HGF: variants seen among roughly 807,000 people sequenced by gnomAD.
The protein encoded by HGF is fibroblast-derived tumor cytotoxic factor.
In HGF, 39 loss-of-function variants were observed where a neutral mutation model predicts 111.6. The observed-to-expected ratio is 0.35, with a 90% confidence interval of 0.27 to 0.46. The LOEUF is 0.46. HGF is among the 20% of genes least tolerant of loss of function. The pLI is 1.00. For missense variants in HGF, 735 were observed against 910.5 expected (o/e 0.81, Z 2.48); for synonymous variants, 285 against 294.8 (o/e 0.97, Z 0.34).
In HGF at chr7:81,700,080, C is replaced by T. The variant is rs1189884283; in HGVS notation, c.*2501G>A. ...ATTATAACAGTACATAACCATTATT[C>T]AAACAGCCAAACCAAAAATTGCATT... On this transcript the variant is annotated 3_prime_UTR_variant, in exon 18 of 18. Transcript: ENST00000222390. The T allele has an allele frequency of 6.6e-6, 1 of 151,718 alleles. No homozygotes were observed. The highest frequency in any genetic ancestry group is 1.5e-5 in the Non-Finnish European group (1 of 67,744). 9.4% of individuals were successfully genotyped at this position (151,718 alleles called of 1,614,324 possible). A position where few individuals can be genotyped will look rare whatever the true frequency, so the allele number is the denominator to read the frequency against.
Position 81,701,925 on chromosome 7 carries a change from T to C in HGF, c.*656A>G, listed in dbSNP as rs5745770. On this transcript the variant is annotated 3_prime_UTR_variant, in exon 18 of 18. Coordinates refer to ENST00000222390, the MANE Select transcript of HGF (RefSeq NM_000601.6). ...TCTACTGGTCTTTAGAGATTTCTGGTTTTTTTGAGGTAAAACTATAGGTAC... is the reference window on the plus strand; with the variant it reads ...TCTACTGGTCTTTAGAGATTTCTGGCTTTTTTGAGGTAAAACTATAGGTAC... The C allele has an allele frequency of 1.9e-5, 3 of 159,700 alleles. No individual in the cohort carries two copies. The highest frequency in any genetic ancestry group is 4.1e-5 in the Non-Finnish European group (3 of 72,522). 9.9% of individuals were successfully genotyped at this position (159,700 alleles called of 1,614,324 possible). A position where few individuals can be genotyped will look rare whatever the true frequency, so the allele number is the denominator to read the frequency against.
intron 1 of HGF, among the ~76,000 whole-genome samples, chr7:81,767,314 A>G (rs1042458664): frequency 6.6e-6 from 1 of 152,074 alleles, no homozygotes; most frequent in African/African-American, 2.4e-5. Flanking sequence ...AAAACACCAC[A>G]TAGTTCATTC....
At chr7:81,754,229 A>G (rs1473466190) in intron 4 of HGF, among the ~76,000 whole-genome samples, 2 of 152,136 alleles carry the variant, frequency 1.3e-5, no homozygotes, top group East Asian at 3.9e-4. Flanking sequence ...ACTTAGATGA[A>G]TAATACGAAC....
intron 10 of HGF, among the ~76,000 whole-genome samples, chr7:81,718,438 G>T (rs1789770229): frequency 1.3e-5 from 2 of 149,004 alleles, no homozygotes; most frequent in South Asian, 4.1e-4. Context: ...CACTAGAGCT[G>T]GGGTTTGAAC....
intron 7 of HGF, among the ~76,000 whole-genome samples, chr7:81,741,599 G>C (rs866348342): frequency 1.3e-5 from 2 of 151,636 alleles, no homozygotes; most frequent in Non-Finnish European, 2.9e-5. Context: ...GTGTGTGTGT[G>C]TGTGTGTGTG....
chr7:81,726,436 A>G (rs1208659403), intron 8 of HGF, among the ~76,000 whole-genome samples: 1 of 152,202 alleles, frequency 6.6e-6, no homozygotes, highest in Non-Finnish European at 1.5e-5. Context: ...AAGAAAGGTT[A>G]TTATCAATAG....
At chr7:81,708,826 C>A (rs954687237) in intron 13 of HGF, among the ~76,000 whole-genome samples, 1 of 152,018 alleles carries the variant, frequency 6.6e-6, no homozygotes, top group Non-Finnish European at 1.5e-5. Flanking sequence ...ACTGCACACT[C>A]AGCTTTAATA....
At chr7:81,730,606 G>T in intron 7 of HGF, among the ~76,000 whole-genome samples, 1 of 149,844 alleles carries the variant, frequency 6.7e-6, no homozygotes, top group Non-Finnish European at 1.5e-5. Flanking sequence ...CTTACTATAC[G>T]TCATGAAGAT....
At chr7:81,737,096 A>G (rs1583963416) in intron 7 of HGF, among the ~76,000 whole-genome samples, 2 of 152,074 alleles carry the variant, frequency 1.3e-5, no homozygotes, top group African/African-American at 4.8e-5. Context: ...AAAGGTATGT[A>G]GAAGATAAAA....
rs145494248 is a variant in HGF, at chr7:81,705,509, C to T, written c.1891G>A (p.Val631Met). Reference protein sequence around the residue: ...GLINYDGLLRVAHLYIMGNEK... With the variant: ...GLINYDGLLRMAHLYIMGNEK... The stretch of plus-strand genomic sequence containing the variant: ...TTTCCCATTATATAGAGATGTGCCA[C>T]TCGTAATAGGCCATCATAGTTGATC... Residue 631 changes from valine to methionine, a missense_variant, in exon 17 of 18, where the codon GTG (valine) becomes ATG (methionine). This residue lies in a region of HGF where 130 missense variants were observed against 129.9 expected (regional missense o/e 1.00). Transcript: ENST00000222390. 7.2e-4 allele frequency: 1,154 copies of T among 1,612,546 alleles called. No individual in the cohort carries two copies. Among genetic ancestry groups the T allele is most frequent in the Non-Finnish European group, 9.1e-4 (1,073 of 1,179,068 alleles).
intron 17 of HGF, among the ~76,000 whole-genome samples, chr7:81,703,604 A>G (rs1789344724): frequency 6.6e-6 from 1 of 150,526 alleles, no homozygotes; most frequent in Non-Finnish European, 1.5e-5. Flanking sequence ...AAATATAAAT[A>G]AACAATGCAC....
intron 7 of HGF, among the ~76,000 whole-genome samples, chr7:81,738,211 T>G (rs1220096681): frequency 6.6e-6 from 1 of 152,094 alleles, no homozygotes; most frequent in East Asian, 1.9e-4. Context: ...CCTGCACATT[T>G]ATGCCTGAAT....
intron 9 of HGF, 79 bp from the exon 10 acceptor site, chr7:81,720,926 A>T: frequency 1.3e-6 from 1 of 788,270 alleles, no homozygotes; most frequent in Non-Finnish European, 2.2e-6. Flanking sequence ...AAGTATATGG[A>T]ATCATGAAAT....
intron 14 of HGF, 151 bp from the exon 15 acceptor site, chr7:81,706,578 T>C (rs956838254): frequency 2.0e-5 from 13 of 646,680 alleles, no homozygotes; most frequent in African/African-American, 1.6e-4. Flanking sequence ...ACATTTGTTA[T>C]GGCAGATTCT....
intron 5 of HGF, chr7:81,751,446 T>C: frequency 1.0e-6 from 1 of 984,802 alleles, no homozygotes; most frequent in Non-Finnish European, 1.2e-6. Flanking sequence ...GTAAGGACAA[T>C]GCCCTTTTAT....
At position 81,745,008 on chromosome 7, in the gene HGF, C is replaced by T. The variant is rs573737350; in HGVS notation, c.738G>A (p.Leu246=). 6.2e-7 allele frequency: 1 copy of T among 1,613,956 alleles called. No homozygotes were observed. The highest frequency in any genetic ancestry group is 1.7e-5 in the Admixed American group (1 of 59,996). ...ATTCATTAATATTTTACCTTTCAGG[C>T]AAGAATTTGTGCCGGTGTGGTGTCT... ...DHQTPHRHKF[L]PERYPDKGFD... is the part of the protein sequence containing the mutation. Residue 246 remains leucine, a synonymous_variant, in exon 6 of 18, where the codon TTG becomes TTA. Transcript: ENST00000222390.
chr7:81,735,332 A>G (rs1787791099), intron 7 of HGF, among the ~76,000 whole-genome samples: 1 of 152,058 alleles, frequency 6.6e-6, no homozygotes, highest in East Asian at 1.9e-4. Flanking sequence ...TCAATTCTAT[A>G]GCCTTATTCT....
chr7:81,722,540 C>T (rs369156476), intron 9 of HGF, among the ~76,000 whole-genome samples: 6 of 151,402 alleles, frequency 4.0e-5, no homozygotes, highest in South Asian at 2.1e-4. Flanking sequence ...TGGTCAGGCG[C>T]GGTGGCTCAC....
At position 81,729,236 on chromosome 7, in the gene HGF, G is replaced by A. The variant is rs1195478923; in HGVS notation, c.1040+369C>T. ...TGTGTAATCCTCCCAAAGCTAATACGAAAATTTAAGAAGGCAGTATTTTGA... is the reference window on the plus strand; with the variant it reads ...TGTGTAATCCTCCCAAAGCTAATACAAAAATTTAAGAAGGCAGTATTTTGA... On this transcript the variant is annotated intron_variant, in intron 8 of 17. Transcript: ENST00000222390. Among the ~76,000 whole-genome samples, 6 of 125,582 alleles carry A rather than the reference G, an allele frequency of 4.8e-5. 2 individuals carry two copies. Among genetic ancestry groups the A allele is most frequent in the East Asian group, 5.2e-4 (2 of 3,882 alleles). The allele number at this position is 125,582 out of a possible 152,430, so 82.4% of individuals were successfully genotyped here.
Sources: gnomAD v4.1 joint callset for allele counts (sites outside exome capture counted in the v4.1 genomes callset) on GRCh38, gnomAD v4.1.1 for gene constraint, gnomAD v4.1.1 regional missense constraint, MANE v1.5 for transcripts, NCBI Gene and HGNC (gene_info 2026-07-23, HGNC 2026-07-21) for gene names.